The following ZNF578 variants were observed in gnomAD, a reference collection of about 807,000 sequenced individuals.
ZNF578 encodes Putative chemokine-related protein B42.
Under a neutral mutation model 8.3 loss-of-function variants are expected in ZNF578, and 8 were observed. That is an observed-to-expected ratio of 0.96 (90% CI 0.56 to 1.74). ZNF578 has a LOEUF of 1.74. ZNF578 is among the 40% of genes most tolerant of loss of function. ZNF578 has a pLI of 0.00. For missense variants in ZNF578, 726 were observed against 707.5 expected (o/e 1.03, Z -0.30); for synonymous variants, 206 against 232.2 (o/e 0.89, Z 1.03).
At chr19:52,497,472 T>C (rs2059391079) in intron 3 of ZNF578, among the ~76,000 whole-genome samples, 1 of 152,190 alleles carries the variant, frequency 6.6e-6, no homozygotes, top group South Asian at 2.1e-4. Context: ...CTTCCTGCCC[T>C]GGCCTCCCAA....
intron 1 of ZNF578, chr19:52,455,626 A>G (rs1304511724): frequency 6.6e-6 from 1 of 152,192 alleles, no homozygotes; most frequent in East Asian, 1.9e-4. Context: ...GGGACATCCA[A>G]CAGGCATCTC....
At position 52,507,435 on chromosome 19, in the gene ZNF578, G is replaced by A. The variant is rs1568466822; in HGVS notation, c.190+2654G>A. Among the ~76,000 whole-genome samples the A allele has an allele frequency of 2.6e-5, 4 of 152,168 alleles. No individual in the cohort carries two copies. The South Asian group carries it at 8.3e-4, about 32-fold the overall frequency. ...TAGCCAGGCATGGTGGCATGTGTCT[G>A]TAGTCCCAGCTACTCACGAGGCTGA... On this transcript the variant is annotated intron_variant, in intron 5 of 5. Transcript: ENST00000421239.
At chr19:52,471,107 A>C (rs2059290516) in intron 2 of ZNF578, among the ~76,000 whole-genome samples, 1 of 152,264 alleles carries the variant, frequency 6.6e-6, no homozygotes, top group East Asian at 1.9e-4. Context: ...AAGTTTCCTA[A>C]GGCCTCCCTA....
intron 1 of ZNF578, chr19:52,454,545 C>G (rs1436270096): frequency 6.6e-6 from 1 of 152,180 alleles, no homozygotes; most frequent in African/African-American, 2.4e-5. Flanking sequence ...GAGTAGCTCA[C>G]AGAACTCAGA....
chr19:52,479,529 C>T (rs528215061), intron 2 of ZNF578, among the ~76,000 whole-genome samples: 4 of 123,950 alleles, frequency 3.2e-5, no homozygotes, highest in African/African-American at 1.3e-4. Context: ...GGAGACAGAG[C>T]GAGACTCCAT....
At chr19:52,498,240 T>G (rs1458080339) in intron 3 of ZNF578, among the ~76,000 whole-genome samples, 1 of 151,948 alleles carries the variant, frequency 6.6e-6, no homozygotes, top group East Asian at 1.9e-4. Context: ...CTCTGCAACC[T>G]CCACCTCTCG....
intron 3 of ZNF578, among the ~76,000 whole-genome samples, chr19:52,501,617 C>T (rs936490160): frequency 6.7e-6 from 1 of 149,384 alleles, no homozygotes; most frequent in Admixed American, 6.6e-5. Flanking sequence ...GGTGGCTGCT[C>T]CAGGAGGGGG....
intron 1 of ZNF578, 49 bp downstream of exon 1, chr19:52,453,656 C>G (rs1290542292): frequency 3.3e-5 from 5 of 152,274 alleles, no homozygotes. Context: ...GCTTCTGTAC[C>G]TGGTGTTGGC....
At chr19:52,503,652 A>T (rs1366970836) in intron 4 of ZNF578, among the ~76,000 whole-genome samples, 2 of 152,114 alleles carry the variant, frequency 1.3e-5, no homozygotes, top group Non-Finnish European at 2.9e-5. Context: ...CAATCATGAT[A>T]GTTTTTAGAT....
At chr19:52,472,325 T>G (rs1170191754) in intron 2 of ZNF578, among the ~76,000 whole-genome samples, 1 of 152,162 alleles carries the variant, frequency 6.6e-6, no homozygotes, top group Admixed American at 6.5e-5. Context: ...AATTTAAACT[T>G]TATTACATAA....
intron 2 of ZNF578, chr19:52,474,079 T>A (rs1490463837): frequency 5.1e-6 from 2 of 394,944 alleles, no homozygotes; most frequent in African/African-American, 4.2e-5. Context: ...AAGGCCTCTC[T>A]CCAGTATGAA....
chr19:52,510,512 C>T lies in ZNF578; in HGVS notation c.191-60C>T, dbSNP rs2059440586. 3 of 1,471,638 alleles carry T rather than the reference C, an allele frequency of 2.0e-6. No individual in the cohort carries two copies. The African/African-American group carries it at 4.2e-5, about 21-fold the overall frequency. The allele number at this position is 1,471,638 out of a possible 1,614,324, so 91.2% of individuals were successfully genotyped here. A position where few individuals can be genotyped will look rare whatever the true frequency, so the allele number is the denominator to read the frequency against. ...TTTTTTATTGTGTCATATTTACACA[C>T]TTCAGTATGATTTACCATCTGCACT... is the stretch of plus-strand genomic sequence containing the variant. On this transcript the variant is annotated intron_variant, in intron 5 of 5. Coordinates refer to ENST00000421239, the MANE Select transcript of ZNF578 (RefSeq NM_001099694.2).
intron 2 of ZNF578, among the ~76,000 whole-genome samples, chr19:52,478,535 C>T (rs1673914): frequency 0.1 from 15,634 of 151,872 alleles, 1,392 homozygotes; most frequent in East Asian, 0.33. Context: ...TTATTTTCAA[C>T]TGGTGCTGTG....
chr19:52,511,588 G>C lies in ZNF578; in HGVS notation c.1207G>C (p.Glu403Gln). ...HTGEKPYKCN[E>Q]CGKAFNQQSH... ...TGGAGAGAAACCTTACAAGTGTAAT[G>C]AATGTGGCAAGGCTTTTAATCAACA... Residue 403 changes from glutamate (E) to glutamine (Q), a missense_variant, in exon 6 of 6, where the codon GAA becomes CAA. By Grantham distance (29) the Glu-to-Gln change is conservative. Transcript: ENST00000421239. 6.2e-7 allele frequency: 1 copy of C among 1,613,282 alleles called. No homozygotes were observed. Among genetic ancestry groups the C allele is most frequent in the Non-Finnish European group, 8.5e-7 (1 of 1,179,182 alleles).
At chr19:52,460,556 A>T (rs770373085) in intron 2 of ZNF578, among the ~76,000 whole-genome samples, 3 of 152,156 alleles carry the variant, frequency 2.0e-5, no homozygotes, top group Non-Finnish European at 2.9e-5. Context: ...TGCCTATCAG[A>T]TATGTGATTT....
chr19:52,485,877 G>C (rs1426436290), intron 2 of ZNF578, among the ~76,000 whole-genome samples: 1 of 152,128 alleles, frequency 6.6e-6, no homozygotes, highest in African/African-American at 2.4e-5. Context: ...TATTGTCCAA[G>C]GTTTCTCCCC....
At chr19:52,499,928 C>T (rs1039807758) in intron 3 of ZNF578, among the ~76,000 whole-genome samples, 1 of 152,096 alleles carries the variant, frequency 6.6e-6, no homozygotes, top group Non-Finnish European at 1.5e-5. Flanking sequence ...CATCTCCTAC[C>T]TGTGCCCTCC....
chr19:52,500,408 CTTTTTTTT>C (rs71180471), intron 3 of ZNF578, among the ~76,000 whole-genome samples: 1 of 138,882 alleles, frequency 7.2e-6, no homozygotes, highest in Non-Finnish European at 1.5e-5. Context: ...TTTGAGTTTC[CTTTTTTTT>C]TTTTTTTTGA....
At chr19:52,460,115 T>C (rs117317527) in intron 2 of ZNF578, among the ~76,000 whole-genome samples, 2,728 of 151,798 alleles carry the variant, frequency 0.018, 41 homozygotes, top group Non-Finnish European at 0.031. Context: ...CACACAAATA[T>C]ATATACGTGT....
Sources: allele counts gnomAD v4.1 joint callset (sites outside exome capture counted in the v4.1 genomes callset), GRCh38; gene constraint gnomAD v4.1.1; transcripts MANE v1.5; gene names NCBI Gene and HGNC (gene_info 2026-07-23, HGNC 2026-07-21).